The following CUL4A variants were observed in gnomAD, a reference collection of about 807,000 sequenced individuals.
CUL4A encodes the protein cullin 4A.
CUL4A carries 16 observed loss-of-function variants against 95.5 expected under a neutral mutation model. The ratio of observed to expected loss-of-function variants is 0.17; its 90% confidence interval spans 0.11 to 0.25. The LOEUF is 0.25. Ranked by LOEUF, CUL4A falls within the 10% of genes least tolerant of loss-of-function variation. The probability of loss-of-function intolerance (pLI) is 1.00; values close to 1 mark genes in which losing one functional copy is unlikely to be tolerated. For missense variants in CUL4A, 610 were observed against 937.0 expected, an observed-to-expected ratio of 0.65 and a Z score of 4.56; for synonymous variants, 380 against 353.1, an observed-to-expected ratio of 1.08 and a Z score of -0.85.
chr13:113,226,432 C>A (rs576028113), intron 3 of CUL4A, among the ~76,000 whole-genome samples: 1 of 152,322 alleles, frequency 6.6e-6, no homozygotes, highest in East Asian at 1.9e-4. Context: ...AATGTCTGCA[C>A]CACGAGGTTG....
chr13:113,232,396 G>A (rs1312498631), intron 5 of CUL4A, among the ~76,000 whole-genome samples: 1 of 78,190 alleles, frequency 1.3e-5, no homozygotes. Context: ...CTATATTACT[G>A]CTGCCACCAC....
At position 113,245,967 on chromosome 13, in the gene CUL4A, T is replaced by C. The variant is rs2041846444; in HGVS notation, c.1542T>C (p.Asn514=). 6.2e-7 allele frequency: 1 copy of C among 1,611,484 alleles called. No homozygotes were observed. The highest frequency in any genetic ancestry group is 2.2e-5 in the East Asian group (1 of 44,870). The change falls in exon 15 of 20, where the codon AAT becomes AAC. Residue 514 remains asparagine, a synonymous_variant. Transcript: ENST00000375440. ...TTTCTCTGTTTTAGCATATGCAGAA[T>C]CAGAGTGACTCAGGCCCTATAGACC... The part of the protein sequence containing the change: ...IMVHFKQHMQ[N]QSDSGPIDLT...
At chr13:113,220,328 C>T (rs948662624) in intron 3 of CUL4A, among the ~76,000 whole-genome samples, 6 of 152,230 alleles carry the variant, frequency 3.9e-5, no homozygotes, top group Non-Finnish European at 4.4e-5. Context: ...TCTGTAAATA[C>T]GCCTCTGCAG....
chr13:113,234,421 A>G (rs901467658), intron 7 of CUL4A, among the ~76,000 whole-genome samples: 2 of 152,244 alleles, frequency 1.3e-5, no homozygotes, highest in Non-Finnish European at 2.9e-5. Flanking sequence ...TCCAGATACC[A>G]GAGCAAAATC....
At position 113,218,864 on chromosome 13, in the gene CUL4A, C is replaced by T. The variant is rs765121980; in HGVS notation, c.265-81C>T. On this transcript the variant is annotated intron_variant, in intron 2 of 19. Coordinates refer to ENST00000375440, the MANE Select transcript of CUL4A (RefSeq NM_001008895.4). ...GTGGGGTGCCTTTTTCTTATGATTA[C>T]AGCTATGTTAACAATAGGGTTTTTT... The T allele has an allele frequency of 3.1e-4, 284 of 912,580 alleles. No individual in the cohort carries two copies. The Middle Eastern group carries it at 8.1e-3, about 26-fold the overall frequency. 56.5% of individuals were successfully genotyped at this position (912,580 alleles called of 1,614,324 possible).
chr13:113,245,201 G>A lies in CUL4A; in HGVS notation c.1494G>A (p.Met498Ile), dbSNP rs375294649. 7.4e-6 allele frequency: 12 copies of A among 1,614,068 alleles called. No homozygotes were observed. The highest frequency in any genetic ancestry group is 1.0e-5 in the Non-Finnish European group (12 of 1,180,046). Residue 498 changes from methionine (M) to isoleucine (I), a missense_variant, in exon 14 of 20, where the codon ATG becomes ATA. Physicochemically the swap from Met to Ile is conservative, Grantham distance 10 (BLOSUM62 1). Transcript: ENST00000375440. ...TSKLEGMFKDMELSKDIMVHF... is the reference protein window; with the variant it reads ...TSKLEGMFKDIELSKDIMVHF... Reference sequence around the variant, plus strand: ...AGCTGGAAGGCATGTTCAAGGACATGGAGCTTTCGAAGGACATCATGGTTC... The same window carrying A: ...AGCTGGAAGGCATGTTCAAGGACATAGAGCTTTCGAAGGACATCATGGTTC...
intron 2 of CUL4A, 89 bp from the exon 3 acceptor site, chr13:113,218,856 T>TA: frequency 1.2e-6 from 1 of 850,634 alleles, no homozygotes; most frequent in Non-Finnish European, 1.8e-6. Context: ...GCCTTTTTCT[T>TA]ATGATTACAG....
chr13:113,263,460 TAGG>T (rs753234689), intron 19 of CUL4A, 24 bp from the exon 20 acceptor site: 9 of 1,447,972 alleles, frequency 6.2e-6, no homozygotes, highest in Non-Finnish European at 8.6e-6. Flanking sequence ...CCATTGTAAT[TAGG>T]GGGGTTTTAT....
intron 5 of CUL4A, among the ~76,000 whole-genome samples, chr13:113,231,748 G>T (rs2041317177): frequency 6.6e-6 from 1 of 152,158 alleles, no homozygotes; most frequent in East Asian, 1.9e-4. Context: ...GCTGCCTCGA[G>T]CCCACAAGTC....
intron 10 of CUL4A, among the ~76,000 whole-genome samples, chr13:113,240,860 AC>A (rs2041688826): frequency 6.6e-6 from 1 of 152,096 alleles, no homozygotes; most frequent in African/African-American, 2.4e-5. Flanking sequence ...CCATGTCAGT[AC>A]CCCAGCTGAG....
chr13:113,240,837 G>A (rs1439253997), intron 10 of CUL4A, among the ~76,000 whole-genome samples: 1 of 152,146 alleles, frequency 6.6e-6, no homozygotes, highest in Non-Finnish European at 1.5e-5. Context: ...ATGTGAAAAA[G>A]ACGGGTGCGC....
At chr13:113,224,168 C>T (rs1401162547) in intron 3 of CUL4A, among the ~76,000 whole-genome samples, 47 of 152,162 alleles carry the variant, frequency 3.1e-4, no homozygotes, top group Admixed American at 2.8e-3. Flanking sequence ...CTGGCTAACA[C>T]GGTGAAACCC....
At chr13:113,211,786 C>T (rs573094396) in intron 2 of CUL4A, among the ~76,000 whole-genome samples, 1 of 152,244 alleles carries the variant, frequency 6.6e-6, no homozygotes, top group Non-Finnish European at 1.5e-5. Context: ...ACTTCTTTAT[C>T]TAGAAGTAAG....
chr13:113,211,470 C>CA (rs1239944006), intron 2 of CUL4A, among the ~76,000 whole-genome samples: 8 of 152,228 alleles, frequency 5.3e-5, no homozygotes, highest in Non-Finnish European at 1.0e-4. Flanking sequence ...CTGCAACCTC[C>CA]ACCTCGCAGG....
At chr13:113,250,319 G>T (rs1344956472) in intron 15 of CUL4A, among the ~76,000 whole-genome samples, 1 of 152,064 alleles carries the variant, frequency 6.6e-6, no homozygotes, top group African/African-American at 2.4e-5. Flanking sequence ...GCATGTCGTG[G>T]TGTCTGCCTA....
At position 113,211,959 on chromosome 13, in the gene CUL4A, T is replaced by C. The variant is rs146419891; in HGVS notation, c.264+1871T>C. ...CCCAGCAGTGTATGGGAGCTCCAGTTCCACTCCGCCACCAGCGTGTGGTGT... is the reference window on the plus strand; with the variant it reads ...CCCAGCAGTGTATGGGAGCTCCAGTCCCACTCCGCCACCAGCGTGTGGTGT... On this transcript the variant is annotated intron_variant, in intron 2 of 19. Transcript: ENST00000375440. 9.4e-3 allele frequency among the ~76,000 whole-genome samples: 1,430 copies of C among 152,342 alleles called. 15 individuals are homozygous for C. The highest frequency in any genetic ancestry group is 0.015 in the Non-Finnish European group (1,027 of 68,032).
At chr13:113,234,128 C>G in intron 7 of CUL4A, 142 bp downstream of exon 7, 1 of 571,322 alleles carries the variant, frequency 1.8e-6, no homozygotes, top group South Asian at 2.6e-5. Context: ...TTGCCAGAAT[C>G]CCCAGTAATG....
chr13:113,258,551 T>C (rs2139300128), intron 18 of CUL4A, among the ~76,000 whole-genome samples: 1 of 152,382 alleles, frequency 6.6e-6, no homozygotes, highest in Non-Finnish European at 1.5e-5. Flanking sequence ...TTGCTAGTCA[T>C]AAATTTTCAT....
upstream of CUL4A, chr13:113,208,555 C>A (rs758322283): frequency 1.9e-6 from 3 of 1,598,598 alleles, no homozygotes; most frequent in South Asian, 3.4e-5. Flanking sequence ...CGGAACACGC[C>A]GAGGGCCAAC....
Sources: gnomAD v4.1 joint callset for allele counts (sites outside exome capture counted in the v4.1 genomes callset) on GRCh38, gnomAD v4.1.1 for gene constraint, MANE v1.5 for transcripts, NCBI Gene and HGNC (gene_info 2026-07-23, HGNC 2026-07-21) for gene names.